The following CALN1 variants were observed in gnomAD, a reference collection of about 807,000 sequenced individuals.
CALN1 encodes the protein calneuron 1.
In CALN1, 17 loss-of-function variants were observed where a neutral mutation model predicts 30.6. The observed-to-expected ratio is 0.56, with a 90% CI of 0.38 to 0.83. The LOEUF is 0.83. Ranked by LOEUF, CALN1 falls within the 40% of genes least tolerant of loss-of-function variation. The pLI, the probability that CALN1 is intolerant of heterozygous loss-of-function variation, is 0.00. For missense variants in CALN1, 291 were observed against 354.9 expected, an observed-to-expected ratio of 0.82 and a Z score of 1.45; for synonymous variants, 156 against 131.4, an observed-to-expected ratio of 1.19 and a Z score of -1.28.
chr7:72,468,006 T>C, the CALN1 span, among the ~76,000 whole-genome samples: 1 of 152,216 alleles, frequency 6.6e-6, no homozygotes, highest in Non-Finnish European at 1.5e-5. Context: ...TCATATAGTA[T>C]GTTTTGTGCA....
chr7:72,217,867 G>C (rs1376592148), intron 3 of CALN1, among the ~76,000 whole-genome samples: 5 of 118,238 alleles, frequency 4.2e-5, no homozygotes, highest in Non-Finnish European at 6.6e-5. Flanking sequence ...TTTTGAGATG[G>C]AGTCCCGCTG....
In CALN1 at chr7:72,155,376, C is replaced by CA. The variant is rs1787583544; in HGVS notation, c.245-49083dup. Among the ~76,000 whole-genome samples, 3 of 151,872 alleles carry CA rather than the reference C, an allele frequency of 2.0e-5. No homozygotes were observed. The South Asian group carries it at 6.3e-4, about 32-fold the overall frequency. ...GCGTGGTGGCAGGTGCCTGTAGTCCCAGCTACTCGGGAGGCTGAGGCAGGA... is the reference window on the plus strand; with the variant it reads ...GCGTGGTGGCAGGTGCCTGTAGTCCCAAGCTACTCGGGAGGCTGAGGCAGGA... On this transcript the variant is annotated intron_variant, in intron 3 of 6. Transcript: ENST00000395275.
intron 2 of CALN1, among the ~76,000 whole-genome samples, chr7:72,397,128 C>T (rs992283770): frequency 3.3e-5 from 5 of 152,064 alleles, no homozygotes; most frequent in Admixed American, 6.6e-5. Flanking sequence ...CCAGGCTGGT[C>T]TCAAGCTCCT....
intron 2 of CALN1, chr7:72,336,923 G>C: frequency 1.0e-6 from 1 of 984,998 alleles, no homozygotes; most frequent in Non-Finnish European, 1.2e-6. Context: ...CTCCCCACGC[G>C]CGCGCCGGGA....
At chr7:71,892,213 T>A (rs2116888279) in intron 5 of CALN1, among the ~76,000 whole-genome samples, 1 of 152,358 alleles carries the variant, frequency 6.6e-6, no homozygotes, top group South Asian at 2.1e-4. Context: ...AATTTATATT[T>A]CTTTTACCAT....
intron 4 of CALN1, among the ~76,000 whole-genome samples, chr7:72,081,487 A>G (rs1160692739): frequency 1.4e-5 from 2 of 146,414 alleles, no homozygotes; most frequent in African/African-American, 5.0e-5. Flanking sequence ...CCCAAATGCA[A>G]TCATAGCTCA....
intron 5 of CALN1, among the ~76,000 whole-genome samples, chr7:71,860,729 C>T (rs950548669): frequency 3.3e-5 from 5 of 152,134 alleles, no homozygotes; most frequent in South Asian, 4.1e-4. Context: ...TTTAAGGCCA[C>T]GTACCACTGC....
At chr7:72,253,348 C>T (rs1057159690) in intron 3 of CALN1, among the ~76,000 whole-genome samples, 1 of 152,142 alleles carries the variant, frequency 6.6e-6, no homozygotes, top group Non-Finnish European at 1.5e-5. Context: ...TTCTGTGAGT[C>T]AAGGTGTGAT....
At chr7:72,123,729 A>G (rs777497025) in intron 3 of CALN1, among the ~76,000 whole-genome samples, 3 of 152,184 alleles carry the variant, frequency 2.0e-5, no homozygotes, top group Non-Finnish European at 4.4e-5. Flanking sequence ...GGCCTTCCTG[A>G]TAATTGATAA....
At chr7:72,164,350 A>C (rs1354432535) in intron 3 of CALN1, among the ~76,000 whole-genome samples, 2 of 47,314 alleles carry the variant, frequency 4.2e-5, no homozygotes, top group Non-Finnish European at 6.1e-5. Context: ...ACACTCCGTC[A>C]AAAAAAAAAA....
At chr7:72,148,072 C>A (rs1427791785) in intron 3 of CALN1, among the ~76,000 whole-genome samples, 1 of 148,822 alleles carries the variant, frequency 6.7e-6, no homozygotes, top group East Asian at 2.0e-4. Context: ...GCACACGTAC[C>A]CTAGAACTTA....
At chr7:71,841,768 C>A (rs987140103) in intron 5 of CALN1, among the ~76,000 whole-genome samples, 3 of 152,036 alleles carry the variant, frequency 2.0e-5, no homozygotes, top group African/African-American at 7.2e-5. Context: ...CCAAACACTG[C>A]ATGTTCTCAA....
rs1329646004 is a variant in CALN1, at chr7:72,121,865, TTATA to T, written c.245-15575_245-15572del. Among the ~76,000 whole-genome samples the T allele has an allele frequency of 3.4e-5, 5 of 147,546 alleles. No individual in the cohort carries two copies. In the South Asian group the frequency reaches 1.0e-3, roughly 31 times the overall value. ...TATCATTATAATATCTATTATATAA[TTATA>T]TATTAATTATAAATTATATATAATA... is the stretch of plus-strand genomic sequence containing the variant. On this transcript the variant is annotated intron_variant, in intron 3 of 6. Coordinates refer to ENST00000395275, the MANE Select transcript of CALN1 (RefSeq NM_031468.4).
intron 3 of CALN1, among the ~76,000 whole-genome samples, chr7:72,191,430 C>T (rs1024288166): frequency 1.7e-4 from 26 of 151,626 alleles, no homozygotes; most frequent in Non-Finnish European, 1.5e-4. Context: ...AGTGAAACCC[C>T]GTCTGTAGTA....
intron 6 of CALN1, among the ~76,000 whole-genome samples, chr7:71,795,942 C>A (rs901064803): frequency 7.3e-5 from 11 of 151,460 alleles, no homozygotes; most frequent in African/African-American, 2.2e-4. Flanking sequence ...CCTCAGCCTC[C>A]CGAGTAGCTG....
At chr7:72,049,980 T>A (rs1185476364) in intron 4 of CALN1, among the ~76,000 whole-genome samples, 2 of 146,278 alleles carry the variant, frequency 1.4e-5, no homozygotes, top group East Asian at 4.0e-4. Context: ...TGGCTATACT[T>A]TTTTTTTTTT....
chr7:72,145,666 A>C (rs978142164), intron 3 of CALN1, among the ~76,000 whole-genome samples: 21 of 151,898 alleles, frequency 1.4e-4, no homozygotes, highest in Admixed American at 4.6e-4. Context: ...GAGACACAAC[A>C]AAAAAAGAGA....
intron 3 of CALN1, among the ~76,000 whole-genome samples, chr7:72,140,394 C>G (rs13231782): frequency 0.78 from 103,454 of 133,128 alleles, 40,342 homozygotes; most frequent in East Asian, 0.96. Context: ...ATGGAAGAAG[C>G]GAATGAAGGA....
chr7:72,116,293 TA>T (rs1807979793), intron 3 of CALN1, among the ~76,000 whole-genome samples: 1 of 152,240 alleles, frequency 6.6e-6, no homozygotes, highest in African/African-American at 2.4e-5. Context: ...CAAAGCATTT[TA>T]GGCAGTTTCA....
Sources: gnomAD v4.1 joint callset for allele counts (sites outside exome capture counted in the v4.1 genomes callset) on GRCh38, gnomAD v4.1.1 for gene constraint, MANE v1.5 for transcripts, NCBI Gene and HGNC (gene_info 2026-07-23, HGNC 2026-07-21) for gene names.